The following HEMK1 variants were observed in gnomAD, a reference collection of about 807,000 sequenced individuals.
HEMK1 encodes the protein MTRF1L release factor glutamine methyltransferase.
In HEMK1, 36 loss-of-function variants were observed where a neutral mutation model predicts 47.9. The ratio of observed to expected loss-of-function variants is 0.75; its 90% CI spans 0.58 to 0.99. HEMK1 has a LOEUF of 0.99. Ranked by LOEUF, HEMK1 falls within the 50% of genes least tolerant of loss-of-function variation. HEMK1 has a pLI of 0.00. For synonymous variants in HEMK1, 153 were observed against 165.4 expected (o/e 0.93, Z 0.57); for missense variants, 383 against 434.5 (o/e 0.88, Z 1.05).
rs996589294 is a variant in HEMK1 at position 50,571,271 on chromosome 3, G to T, written c.167G>T (p.Gly56Val). The T allele has an allele frequency of 9.3e-6, 15 of 1,612,980 alleles. No homozygotes were observed. The highest frequency in any genetic ancestry group is 1.3e-5 in the Non-Finnish European group (15 of 1,179,526). The change falls in exon 2 of 11, where the codon GGT becomes GTT. Residue 56 changes from glycine (G) to valine (V), a missense_variant. Transcript: ENST00000232854. The stretch of plus-strand genomic sequence containing the variant: ...TGGACTGGGGTCTTTGAGAAGAGGG[G>T]TATCCCTGAGGCCCGGGAATCCAGT... Reference protein sequence around the residue: ...SHWTGVFEKRGIPEARESSEY... With the variant: ...SHWTGVFEKRVIPEARESSEY...
At position 50,577,947 on chromosome 3, in the gene HEMK1, G is replaced by A. The variant is rs147265662; in HGVS notation, c.664+72G>A. 9,749 of 1,392,880 alleles carry A rather than the reference G, an allele frequency of 7.0e-3. 55 individuals are homozygous for A. The highest frequency in any genetic ancestry group is 9.2e-3 in the Middle Eastern group (52 of 5,624). 86.3% of individuals were successfully genotyped at this position (1,392,880 alleles called of 1,614,324 possible). ...TGCTGCTGGGTGGATGAGGCACTCCGTGGAGATGGAGGGAGAGCTCCCCCA... is the reference window on the plus strand; with the variant it reads ...TGCTGCTGGGTGGATGAGGCACTCCATGGAGATGGAGGGAGAGCTCCCCCA... On this transcript the variant is annotated intron_variant, in intron 7 of 10. Transcript: ENST00000232854.
chr3:50,593,417 C>T lies in HEMK1; in HGVS notation c.*13000C>T, dbSNP rs139291418. ...GTGGGCAGGAGAATACAACTCACAG[C>T]CAAGCGGAAGGTGGCTTTCAGCTCC... On this transcript the variant is annotated 3_prime_UTR_variant, in exon 11 of 11. Coordinates refer to ENST00000232854, the MANE Select transcript of HEMK1 (RefSeq NM_016173.5). 1 of 152,300 alleles carries T rather than the reference C, an allele frequency of 6.6e-6. No individual in the cohort carries two copies. Among genetic ancestry groups the T allele is most frequent in the African/African-American group, 2.4e-5 (1 of 41,562 alleles). 9.4% of individuals were successfully genotyped at this position (152,300 alleles called of 1,614,324 possible).
chr3:50,576,960 A>C, intron 4 of HEMK1, 92 bp from the exon 5 acceptor site: 1 of 1,489,278 alleles, frequency 6.7e-7, no homozygotes, highest in South Asian at 1.2e-5. Flanking sequence ...TCCCCTTCCT[A>C]CGTTCACAAG....
At position 50,580,622 on chromosome 3, in the gene HEMK1, A is replaced by T; in HGVS notation, c.*205A>T. ...AGGGCAGTTGCTCTGTGTTGGTGAA[A>T]TTGCTGTGGGGGTATCGGGGGATAT... is the stretch of plus-strand genomic sequence containing the variant. On this transcript the variant is annotated 3_prime_UTR_variant, in exon 11 of 11. Coordinates refer to ENST00000232854, the MANE Select transcript of HEMK1 (RefSeq NM_016173.5). The T allele has an allele frequency of 3.3e-6, 2 of 604,358 alleles. No individual in the cohort carries two copies. The highest frequency in any genetic ancestry group is 5.9e-6 in the Non-Finnish European group (2 of 341,058). 37.4% of individuals were successfully genotyped at this position (604,358 alleles called of 1,614,324 possible). A position where few individuals can be genotyped will look rare whatever the true frequency, so the allele number is the denominator to read the frequency against.
chr3:50,577,593 T>G lies in HEMK1; in HGVS notation c.614+20T>G. 1 of 1,609,636 alleles carries G rather than the reference T, an allele frequency of 6.2e-7. No individual in the cohort carries two copies. The highest frequency in any genetic ancestry group is 8.5e-7 in the Non-Finnish European group (1 of 1,176,018). On this transcript the variant is annotated intron_variant, in intron 6 of 10. Transcript: ENST00000232854. The stretch of plus-strand genomic sequence containing the variant: ...TCAGAGGTAGGTGGGGGAGTTGCAC[T>G]TTGGGGCCTAATCTTGACTCCTTTT...
Position 50,577,061 on chromosome 3 carries a change from G to C in HEMK1, c.424G>C (p.Glu142Gln). Residue 142 changes from glutamate (E) to glutamine (Q), a missense_variant, in exon 5 of 11, where the codon GAG (glutamate) becomes CAG (glutamine). Physicochemically the swap from Glu to Gln is conservative, Grantham distance 29 (BLOSUM62 2). Transcript: ENST00000232854. ...IPRPETEELV[E>Q]WVLEEVAQRS... is the part of the protein sequence containing the mutation. ...TCCCTCTGCTTCACAGGAACTGGTT[G>C]AGTGGGTGCTGGAAGAGGTGGCCCA... 1 of 1,613,990 alleles carries C rather than the reference G, an allele frequency of 6.2e-7. No homozygotes were observed.
chr3:50,571,329 A>G lies in HEMK1; in HGVS notation c.225A>G (p.Lys75=). The change falls in exon 2 of 11, where the codon AAA becomes AAG. Residue 75 remains lysine (K), a synonymous_variant. Coordinates refer to ENST00000232854, the MANE Select transcript of HEMK1 (RefSeq NM_016173.5). The stretch of plus-strand genomic sequence containing the variant: ...TCGTGGCTCATGTCCTTGGAGCCAA[A>G]ACAGTTAAGTTTAGTGTTGTCAAGA... ...EYIVAHVLGA[K]TFQSLRPALW... The G allele has an allele frequency of 6.3e-7, 1 of 1,583,906 alleles. No individual in the cohort carries two copies. The highest frequency in any genetic ancestry group is 8.6e-7 in the Non-Finnish European group (1 of 1,163,570).
In HEMK1 at chr3:50,580,170, T is replaced by C. The variant is rs367934218; in HGVS notation, c.921T>C (p.Leu307=). The C allele has an allele frequency of 3.7e-5, 59 of 1,614,066 alleles. No homozygotes were observed. Among genetic ancestry groups the C allele is most frequent in the Non-Finnish European group, 4.9e-5 (58 of 1,180,036 alleles). Residue 307 remains leucine (L), a synonymous_variant, in exon 10 of 11, where the codon CTT becomes CTC. Coordinates refer to ENST00000232854, the MANE Select transcript of HEMK1 (RefSeq NM_016173.5). ...ACCCGGAGCTTGTCAGCAGCTGGCT[T>C]CAGAGCCGGCCTGACCTGTACCTTA... The part of the protein sequence containing the change: ...PRHPELVSSW[L]QSRPDLYLNL...
intron 8 of HEMK1, among the ~76,000 whole-genome samples, chr3:50,579,175 AAG>A (rs1284194580): frequency 1.3e-5 from 2 of 152,204 alleles, no homozygotes; most frequent in African/African-American, 4.8e-5. Context: ...CCTCTAGAAA[AAG>A]AGAGGTAGTG....
intron 6 of HEMK1, 100 bp from the exon 7 acceptor site, chr3:50,577,726 T>C: frequency 2.9e-6 from 4 of 1,399,134 alleles, no homozygotes; most frequent in Non-Finnish European, 3.0e-6. Context: ...GGGCAGTGAG[T>C]ATCTTGCCAG....
chr3:50,591,663 C>CGTGTGTGTGTATGT lies in HEMK1; in HGVS notation c.*11256_*11257insATGTGTGTGTGTGT, dbSNP rs1553623245. On this transcript the variant is annotated 3_prime_UTR_variant, in exon 11 of 11. Coordinates refer to ENST00000232854, the MANE Select transcript of HEMK1 (RefSeq NM_016173.5). ...ACCAAGCCAGGGTTGCATGCATGCACGTGTGTGTGTGTGTGTGTGTGTGTG... is the reference window on the plus strand; with the variant it reads ...ACCAAGCCAGGGTTGCATGCATGCACGTGTGTGTGTATGTGTGTGTGTGTGTGTGTGTGTGTGTG... 5 of 127,496 alleles carry CGTGTGTGTGTATGT rather than the reference C, an allele frequency of 3.9e-5. No individual in the cohort carries two copies. The highest frequency in any genetic ancestry group is 1.5e-4 in the African/African-American group (5 of 33,998). 7.9% of individuals were successfully genotyped at this position (127,496 alleles called of 1,614,324 possible). A position where few individuals can be genotyped will look rare whatever the true frequency, so the allele number is the denominator to read the frequency against.
rs1033942801 is a variant in HEMK1, at chr3:50,587,778, A to G, written c.*7361A>G. 6.6e-6 allele frequency: 1 copy of G among 152,378 alleles called. No individual in the cohort carries two copies. Among genetic ancestry groups the G allele is most frequent in the African/African-American group, 2.4e-5 (1 of 41,432 alleles). The allele number at this position is 152,378 out of a possible 1,614,324, so 9.4% of individuals were successfully genotyped here. ...GCTTTTTGAGCTGAGTTACAGGGTT[A>G]GAGAAGCATTGAGGCTGCTCTTTCT... On this transcript the variant is annotated 3_prime_UTR_variant, in exon 11 of 11. Coordinates refer to ENST00000232854, the MANE Select transcript of HEMK1 (RefSeq NM_016173.5). The surrounding 1 kb of genome is among the most constrained non-coding windows in gnomAD (Gnocchi z 4.2).
Position 50,591,741 on chromosome 3 carries a change from G to C in HEMK1, c.*11324G>C, listed in dbSNP as rs962066664. On this transcript the variant is annotated 3_prime_UTR_variant, in exon 11 of 11. Transcript: ENST00000232854. ...ACTCTGCCTCAGAGGCCCAACCACTGCCTCCAAGTCATGGGAGCGCAGAGC... is the reference window on the plus strand; with the variant it reads ...ACTCTGCCTCAGAGGCCCAACCACTCCCTCCAAGTCATGGGAGCGCAGAGC... 4.0e-5 allele frequency: 6 copies of C among 150,620 alleles called. No individual in the cohort carries two copies. The highest frequency in any genetic ancestry group is 1.5e-4 in the African/African-American group (6 of 40,754). 9.3% of individuals were successfully genotyped at this position (150,620 alleles called of 1,614,324 possible).
rs191405823 is a variant in HEMK1 at position 50,576,781 on chromosome 3, T to C, written c.415-271T>C. The stretch of plus-strand genomic sequence containing the variant: ...GGCTTAGCTGGGGTTGATTGAACAC[T>C]TAACATGAAACAGGTGTGGATTAGT... On this transcript the variant is annotated intron_variant, in intron 4 of 10. Transcript: ENST00000232854. 2.8e-4 allele frequency among the ~76,000 whole-genome samples: 42 copies of C among 152,340 alleles called. 1 individual carries two copies. Among genetic ancestry groups the C allele is most frequent in the Non-Finnish European group, 2.9e-5 (2 of 68,030 alleles).
In HEMK1 at chr3:50,586,565, T is replaced by G. The variant is rs2031377348; in HGVS notation, c.*6148T>G. 6.6e-6 allele frequency: 1 copy of G among 152,382 alleles called. No individual in the cohort carries two copies. Among genetic ancestry groups the G allele is most frequent in the Non-Finnish European group, 1.5e-5 (1 of 68,166 alleles). 9.4% of individuals were successfully genotyped at this position (152,382 alleles called of 1,614,324 possible). On this transcript the variant is annotated 3_prime_UTR_variant, in exon 11 of 11. Coordinates refer to ENST00000232854, the MANE Select transcript of HEMK1 (RefSeq NM_016173.5). ...GATGTCACCTTATTGCTCCCTCTTG[T>G]ACTAGGTCTGCGGCCCTCTTCTGGG... is the stretch of plus-strand genomic sequence containing the variant.
chr3:50,583,932 A>G lies in HEMK1; in HGVS notation c.*3515A>G, dbSNP rs900155413. 3 of 152,230 alleles carry G rather than the reference A, an allele frequency of 2.0e-5. No homozygotes were observed. The allele number at this position is 152,230 out of a possible 1,614,324, so 9.4% of individuals were successfully genotyped here. A position where few individuals can be genotyped will look rare whatever the true frequency, so the allele number is the denominator to read the frequency against. On this transcript the variant is annotated 3_prime_UTR_variant, in exon 11 of 11. Transcript: ENST00000232854. Reference sequence around the variant, plus strand: ...GATCTGGCATACCCAAGTTCAGTAAATGTCTATCAGTAAGCTGATGGTACA... The same window carrying G: ...GATCTGGCATACCCAAGTTCAGTAAGTGTCTATCAGTAAGCTGATGGTACA...
At chr3:50,569,344 G>A (rs1229451177), upstream of HEMK1, 1 of 152,314 alleles carries the variant, frequency 6.6e-6, no homozygotes, top group East Asian at 1.9e-4. Flanking sequence ...CGAGCGTAGA[G>A]GGAGTGGAAT....
Position 50,588,291 on chromosome 3 carries a change from A to T in HEMK1, c.*7874A>T, listed in dbSNP as rs1466303831. ...ACATCAGGGATCCCTTCCTTGGCCC[A>T]CTGTATGGATGAAGGGACTGAGGCT... is the stretch of plus-strand genomic sequence containing the variant. On this transcript the variant is annotated 3_prime_UTR_variant, in exon 11 of 11. Coordinates refer to ENST00000232854, the MANE Select transcript of HEMK1 (RefSeq NM_016173.5). 6.6e-6 allele frequency: 1 copy of T among 152,210 alleles called. No homozygotes were observed. The highest frequency in any genetic ancestry group is 2.4e-5 in the African/African-American group (1 of 41,446). 9.4% of individuals were successfully genotyped at this position (152,210 alleles called of 1,614,324 possible).
At chr3:50,572,260 G>C (rs555166925) in intron 4 of HEMK1, 52 bp downstream of exon 4, 1 of 1,573,300 alleles carries the variant, frequency 6.4e-7, no homozygotes, top group African/African-American at 1.3e-5. Flanking sequence ...GGAGTTCAGG[G>C]CACCAGTCTT....
Sources: gnomAD v4.1 joint callset for allele counts (sites outside exome capture counted in the v4.1 genomes callset) on GRCh38, gnomAD v4.1.1 for gene constraint, Gnocchi (gnomAD v3.1) non-coding constraint, MANE v1.5 for transcripts, NCBI Gene and HGNC (gene_info 2026-07-23, HGNC 2026-07-21) for gene names.